Variants in ANO6 observed in about 807,000 individuals in gnomAD.
ANO6 encodes the protein anoctamin-6.
A neutral mutation model predicts 117.5 loss-of-function variants in ANO6; 106 were observed. The observed-to-expected ratio is 0.90, with a 90% CI of 0.77 to 1.06. ANO6 has a LOEUF of 1.06. Ranked by LOEUF, ANO6 falls within the 50% of genes least tolerant of loss-of-function variation. ANO6 has a pLI of 0.00. For missense variants in ANO6, 955 were observed against 1,121.1 expected (o/e 0.85, Z 2.12); for synonymous variants, 367 against 385.1 (o/e 0.95, Z 0.55).
chr12:45,387,484 G>A (rs1942330138), intron 10 of ANO6, among the ~76,000 whole-genome samples: 1 of 152,120 alleles, frequency 6.6e-6, no homozygotes, highest in Non-Finnish European at 1.5e-5. Flanking sequence ...TTGGAACTGT[G>A]ATCATTATTT....
chr12:45,425,318 A>G (rs966594387), intron 19 of ANO6, among the ~76,000 whole-genome samples: 3 of 152,206 alleles, frequency 2.0e-5, no homozygotes, highest in Admixed American at 1.3e-4. Context: ...ATGTTAAGTG[A>G]TATGGAAGAA....
rs1943627712 is a variant in ANO6, at chr12:45,431,323, C to G, written c.*2012C>G. The G allele has an allele frequency of 1.0e-6, 1 of 985,410 alleles. No individual in the cohort carries two copies. The highest frequency in any genetic ancestry group is 1.2e-6 in the Non-Finnish European group (1 of 829,926). 61.0% of individuals were successfully genotyped at this position (985,410 alleles called of 1,614,324 possible). A position where few individuals can be genotyped will look rare whatever the true frequency, so the allele number is the denominator to read the frequency against. ...TCTGGAAGCGGGTGTCACTTCCTCTCTAGTACCTCTTCTCTTCTCTGAAGT... is the reference window on the plus strand; with the variant it reads ...TCTGGAAGCGGGTGTCACTTCCTCTGTAGTACCTCTTCTCTTCTCTGAAGT... On this transcript the variant is annotated 3_prime_UTR_variant, in exon 20 of 20. Coordinates refer to ENST00000320560, the MANE Select transcript of ANO6 (RefSeq NM_001025356.3).
chr12:45,414,636 C>T (rs1362415874), intron 16 of ANO6, among the ~76,000 whole-genome samples: 3 of 152,206 alleles, frequency 2.0e-5, no homozygotes, highest in South Asian at 2.1e-4. Context: ...TTATAATACA[C>T]TCAATATCTC....
chr12:45,328,949 G>A (rs550977503), intron 2 of ANO6, among the ~76,000 whole-genome samples: 1 of 152,174 alleles, frequency 6.6e-6, no homozygotes, highest in East Asian at 1.9e-4. Context: ...ATCCTGCTAG[G>A]CGTAAAGGTT....
At chr12:45,401,239 T>A (rs912777683) in intron 12 of ANO6, among the ~76,000 whole-genome samples, 1 of 152,222 alleles carries the variant, frequency 6.6e-6, no homozygotes, top group African/African-American at 2.4e-5. Context: ...CCTGCTACAG[T>A]GATTAAGACA....
intron 1 of ANO6, among the ~76,000 whole-genome samples, chr12:45,298,013 A>G (rs1939351011): frequency 6.6e-6 from 1 of 152,234 alleles, no homozygotes; most frequent in Non-Finnish European, 1.5e-5. Flanking sequence ...TGTGCAAAAT[A>G]TAAAGTAGAT....
At chr12:45,223,911 T>G (rs1947442568) in intron 1 of ANO6, among the ~76,000 whole-genome samples, 1 of 152,200 alleles carries the variant, frequency 6.6e-6, no homozygotes, top group Admixed American at 6.5e-5. Context: ...TTTATTCTTC[T>G]AAGATAACTT....
At chr12:45,343,516 T>C (rs1412000671) in intron 3 of ANO6, among the ~76,000 whole-genome samples, 1 of 152,164 alleles carries the variant, frequency 6.6e-6, no homozygotes, top group Non-Finnish European at 1.5e-5. Context: ...CCTTTCAGAA[T>C]ACTCCATCCC....
At chr12:45,372,029 G>A (rs1941854887) in intron 9 of ANO6, among the ~76,000 whole-genome samples, 1 of 152,112 alleles carries the variant, frequency 6.6e-6, no homozygotes, top group Non-Finnish European at 1.5e-5. Context: ...AGCTGATGGA[G>A]CTGAAAGCCA....
At chr12:45,234,591 T>G (rs1362791160) in intron 1 of ANO6, among the ~76,000 whole-genome samples, 1 of 152,236 alleles carries the variant, frequency 6.6e-6, no homozygotes, top group African/African-American at 2.4e-5. Flanking sequence ...GGGAAGTTAC[T>G]GACACTGATG....
At chr12:45,274,204 C>CA (rs1033754657) in intron 1 of ANO6, among the ~76,000 whole-genome samples, 2 of 152,130 alleles carry the variant, frequency 1.3e-5, no homozygotes, top group African/African-American at 4.8e-5. Flanking sequence ...CCCTGAATGC[C>CA]ATCTGTATGT....
At chr12:45,325,273 C>A (rs1411413415) in intron 2 of ANO6, among the ~76,000 whole-genome samples, 1 of 152,114 alleles carries the variant, frequency 6.6e-6, no homozygotes, top group Admixed American at 6.5e-5. Flanking sequence ...TTTAGGACAA[C>A]TCTCTTGTCT....
At chr12:45,222,612 G>A (rs1947421056) in intron 1 of ANO6, among the ~76,000 whole-genome samples, 1 of 152,314 alleles carries the variant, frequency 6.6e-6, no homozygotes, top group South Asian at 2.1e-4. Flanking sequence ...CTCAGAAGCA[G>A]AAGCAGGCCT....
At position 45,295,411 on chromosome 12, in the gene ANO6, A is replaced by T. The variant is rs570612000; in HGVS notation, c.71-6603A>T. Among the ~76,000 whole-genome samples the T allele has an allele frequency of 9.2e-5, 14 of 152,348 alleles. No individual in the cohort carries two copies. In the South Asian group the frequency reaches 2.9e-3, roughly 32 times the overall value. On this transcript the variant is annotated intron_variant, in intron 1 of 19. Coordinates refer to ENST00000320560, the MANE Select transcript of ANO6 (RefSeq NM_001025356.3). ...GAACAATTATGACTACCAGAGAATG[A>T]TGCAGGAGCAGCGGGGCGGGGATAG...
chr12:45,293,319 G>C (rs1418207088), intron 1 of ANO6, among the ~76,000 whole-genome samples: 1 of 152,106 alleles, frequency 6.6e-6, no homozygotes, highest in East Asian at 1.9e-4. Context: ...CCCTCTAGGA[G>C]CTCATGGACT....
At chr12:45,318,562 C>A (rs1940135315) in intron 2 of ANO6, among the ~76,000 whole-genome samples, 1 of 152,158 alleles carries the variant, frequency 6.6e-6, no homozygotes, top group Non-Finnish European at 1.5e-5. Context: ...TAATGTGATG[C>A]CTCCAGCTTT....
chr12:45,257,926 T>G (rs887283707), intron 1 of ANO6, among the ~76,000 whole-genome samples: 1 of 152,222 alleles, frequency 6.6e-6, no homozygotes, highest in African/African-American at 2.4e-5. Context: ...GTAATGGGTT[T>G]GGTTTTTTTT....
rs3803177 is a variant in ANO6, at chr12:45,430,919, G to C, written c.*1608G>C. On this transcript the variant is annotated 3_prime_UTR_variant, in exon 20 of 20. Coordinates refer to ENST00000320560, the MANE Select transcript of ANO6 (RefSeq NM_001025356.3). Reference sequence around the variant, plus strand: ...GCTGCATGGGCTTCACTGGGATGCTGTTAAACACCAGAGGAGCCAACCTAT... The same window carrying C: ...GCTGCATGGGCTTCACTGGGATGCTCTTAAACACCAGAGGAGCCAACCTAT... 0.037 allele frequency: 36,523 copies of C among 985,292 alleles called. 2,344 individuals are homozygous for C. Among genetic ancestry groups the C allele is most frequent in the African/African-American group, 0.27 (15,178 of 57,240 alleles). The allele number at this position is 985,292 out of a possible 1,614,324, so 61.0% of individuals were successfully genotyped here. A position where few individuals can be genotyped will look rare whatever the true frequency, so the allele number is the denominator to read the frequency against.
At chr12:45,321,004 A>G (rs141460643) in intron 2 of ANO6, among the ~76,000 whole-genome samples, 5 of 152,002 alleles carry the variant, frequency 3.3e-5, no homozygotes, top group Non-Finnish European at 4.4e-5. Flanking sequence ...TTTTGAGCCT[A>G]TGTGTGTCTC....
Sources: allele counts gnomAD v4.1 joint callset (sites outside exome capture counted in the v4.1 genomes callset), GRCh38; gene constraint gnomAD v4.1.1; transcripts MANE v1.5; gene names NCBI Gene and HGNC (gene_info 2026-07-23, HGNC 2026-07-21).